Variants in KLC1 observed in about 807,000 individuals in gnomAD.
The protein encoded by KLC1 is kinesin light chain 1, also known as kinesin 2 60/70kDa.
In KLC1, 30 loss-of-function variants were observed where a neutral mutation model predicts 84.2. The ratio of observed to expected loss-of-function variants is 0.36; its 90% CI spans 0.27 to 0.48. The LOEUF (loss-of-function observed/expected upper bound fraction) is 0.48. Ranked by LOEUF, KLC1 falls within the 20% of genes least tolerant of loss-of-function variation. The pLI is 0.99. For synonymous variants in KLC1, 289 were observed against 293.3 expected (o/e 0.99, Z 0.15); for missense variants, 499 against 805.4 (o/e 0.62, Z 4.60).
chr14:103,689,936 T>G (rs1426067185), intron 14 of KLC1, among the ~76,000 whole-genome samples: 2 of 152,116 alleles, frequency 1.3e-5, no homozygotes, highest in African/African-American at 2.4e-5. Context: ...TCCCAGCACT[T>G]TGGGAGGCCT....
chr14:103,656,214 T>C (rs1052402591), intron 2 of KLC1, among the ~76,000 whole-genome samples: 3 of 152,186 alleles, frequency 2.0e-5, no homozygotes, highest in African/African-American at 7.2e-5. Context: ...TGGCTGTACC[T>C]GGGTGAGTGG....
At chr14:103,645,253 G>A (rs993241196) in intron 1 of KLC1, among the ~76,000 whole-genome samples, 2 of 151,670 alleles carry the variant, frequency 1.3e-5, no homozygotes, top group African/African-American at 2.4e-5. Flanking sequence ...GACTACAGGC[G>A]GGAGCCACTG....
rs2274265 is a variant in KLC1 at position 103,675,824 on chromosome 14, G to A, written c.1379+68G>A. On this transcript the variant is annotated intron_variant, in intron 11 of 16. Coordinates refer to ENST00000334553, the MANE Select transcript of KLC1 (RefSeq NM_001394837.1). ...GGGGAAGGTAATTGTGTTCTACAGGGCAGCTTATAAATGACCAATGTGTAG... is the reference window on the plus strand; with the variant it reads ...GGGGAAGGTAATTGTGTTCTACAGGACAGCTTATAAATGACCAATGTGTAG... The A allele has an allele frequency of 9.1e-4, 1,193 of 1,317,070 alleles. 12 individuals are homozygous for A. The East Asian group carries it at 0.018, about 20-fold the overall frequency. The allele number at this position is 1,317,070 out of a possible 1,614,324, so 81.6% of individuals were successfully genotyped here. A position where few individuals can be genotyped will look rare whatever the true frequency, so the allele number is the denominator to read the frequency against.
In KLC1 at chr14:103,694,473, A is replaced by G. The variant is rs1279052433; in HGVS notation, c.1848+2048A>G. On this transcript the variant is annotated intron_variant, in intron 15 of 16. Transcript: ENST00000334553. The surrounding 1 kb of genome is among the most constrained non-coding windows in gnomAD (Gnocchi z 4.5). ...TGGCGTTTCACTTTTTAAAAGCTTA[A>G]GCTTTATGGAATGAGGGAGCACGGT... The G allele has an allele frequency of 5.1e-6, 5 of 985,310 alleles. No individual in the cohort carries two copies. The African/African-American group carries it at 8.7e-5, about 17-fold the overall frequency. The allele number at this position is 985,310 out of a possible 1,614,324, so 61.0% of individuals were successfully genotyped here.
At chr14:103,639,711 A>T (rs1298488639) in intron 1 of KLC1, among the ~76,000 whole-genome samples, 1 of 152,100 alleles carries the variant, frequency 6.6e-6, no homozygotes, top group Non-Finnish European at 1.5e-5. Context: ...AAGTGCTGGG[A>T]TTACTGGTAT....
chr14:103,685,086 G>A (rs1164245157), intron 13 of KLC1: 7 of 1,536,944 alleles, frequency 4.6e-6, no homozygotes, highest in Non-Finnish European at 5.3e-6. Flanking sequence ...CGCTTCTGTC[G>A]AGACGTCGGC....
intron 13 of KLC1, among the ~76,000 whole-genome samples, chr14:103,681,549 T>C (rs4906359): frequency 0.22 from 34,085 of 151,800 alleles, 4,190 homozygotes; most frequent in East Asian, 0.49. Context: ...AACCTCTGCC[T>C]CCTGGTTCAA....
chr14:103,636,402 G>A (rs2077048316), intron 1 of KLC1, among the ~76,000 whole-genome samples: 1 of 151,986 alleles, frequency 6.6e-6, no homozygotes, highest in Non-Finnish European at 1.5e-5. Context: ...TGTATTTTTA[G>A]TAGAGATGGG....
At chr14:103,699,556 C>T in intron 15 of KLC1, 1 of 1,613,434 alleles carries the variant, frequency 6.2e-7, no homozygotes, top group South Asian at 1.1e-5. Flanking sequence ...CCTTCTTATT[C>T]ACACACTCCA....
chr14:103,699,270 C>T, intron 15 of KLC1: 3 of 1,540,300 alleles, frequency 1.9e-6, no homozygotes, highest in Non-Finnish European at 1.7e-6. Context: ...CGGAGGCCAC[C>T]TCACTGCCAC....
chr14:103,696,142 C>G, intron 15 of KLC1: 1 of 982,498 alleles, frequency 1.0e-6, no homozygotes, highest in Non-Finnish European at 1.2e-6. Flanking sequence ...AGCGCCCGTC[C>G]CCAGCAACCA....
chr14:103,667,387 G>T (rs1336226366), intron 5 of KLC1, among the ~76,000 whole-genome samples: 1 of 152,210 alleles, frequency 6.6e-6, no homozygotes, highest in African/African-American at 2.4e-5. Context: ...GATTACAGGC[G>T]TGAGCCACCG....
intron 7 of KLC1, among the ~76,000 whole-genome samples, chr14:103,672,232 C>G (rs1236686109): frequency 6.6e-6 from 1 of 152,090 alleles, no homozygotes; most frequent in Admixed American, 6.6e-5. Flanking sequence ...GTAGGGAATG[C>G]AGAAGGGAGT....
At chr14:103,670,059 AT>A in intron 6 of KLC1, 122 bp from the exon 7 acceptor site, 1 of 661,048 alleles carries the variant, frequency 1.5e-6, no homozygotes, top group African/African-American at 1.8e-5. Context: ...CTGAAGTCAT[AT>A]TGTTCTATCC....
At chr14:103,662,272 G>T in intron 4 of KLC1, 78 bp downstream of exon 4, 1 of 1,212,408 alleles carries the variant, frequency 8.2e-7, no homozygotes, top group Non-Finnish European at 1.2e-6. Flanking sequence ...ATAGCAATCA[G>T]TGGCAGCCTT....
At chr14:103,696,274 A>G in intron 15 of KLC1, 1 of 985,372 alleles carries the variant, frequency 1.0e-6, no homozygotes, top group Non-Finnish European at 1.2e-6. Context: ...AAGCAGCAGC[A>G]GTGTGTGGCT....
Position 103,679,471 on chromosome 14 carries a change from A to G in KLC1, c.1576A>G (p.Asn526Asp), listed in dbSNP as rs183764708. Residue 526 changes from asparagine (N) to aspartate (D), a missense_variant, in exon 13 of 17, where the codon AAC becomes GAC. Physicochemically the swap from Asn to Asp is conservative, Grantham distance 23. Coordinates refer to ENST00000334553, the MANE Select transcript of KLC1 (RefSeq NM_001394837.1). ...MEKRRSRESL[N>D]VDVVKYESGP... ...GAAGCGCAGGAGCCGTGAGAGCCTC[A>G]ACGTGGACGTGGTCAAGTACGAGAG... is the stretch of plus-strand genomic sequence containing the variant. 1 of 1,614,122 alleles carries G rather than the reference A, an allele frequency of 6.2e-7. No individual in the cohort carries two copies. Among genetic ancestry groups the G allele is most frequent in the Admixed American group, 1.7e-5 (1 of 60,008 alleles).
chr14:103,654,521 C>A (rs2078700308), intron 1 of KLC1, 43 bp from the exon 2 acceptor site: 2 of 1,494,314 alleles, frequency 1.3e-6, no homozygotes, highest in East Asian at 2.3e-5. Flanking sequence ...AGAAATGAAA[C>A]CTGTAATGAG....
chr14:103,651,737 C>T (rs1409456387), intron 1 of KLC1, among the ~76,000 whole-genome samples: 4 of 152,166 alleles, frequency 2.6e-5, no homozygotes, highest in Admixed American at 2.6e-4. Context: ...GCAGTGGGTG[C>T]CGTCACACCT....
Sources: gnomAD v4.1 joint callset for allele counts (sites outside exome capture counted in the v4.1 genomes callset) on GRCh38, gnomAD v4.1.1 for gene constraint, Gnocchi (gnomAD v3.1) non-coding constraint, MANE v1.5 for transcripts, NCBI Gene and HGNC (gene_info 2026-07-23, HGNC 2026-07-21) for gene names.